The following NAV3 variants were observed in gnomAD, a reference collection of about 807,000 sequenced individuals.
NAV3 encodes neuron navigator 3, also known as pore membrane and/or filament interacting like protein 1.
A neutral mutation model predicts 244.7 loss-of-function variants in NAV3; 87 were observed. That is an observed-to-expected ratio of 0.36 (90% confidence interval 0.30 to 0.42). NAV3 has a LOEUF of 0.42. Ranked by LOEUF, NAV3 falls within the 20% of genes least tolerant of loss-of-function variation. The probability of loss-of-function intolerance (pLI) is 1.00; values close to 1 mark genes in which losing one functional copy is unlikely to be tolerated. For missense variants in NAV3, 2,663 were observed against 2,893.3 expected, an observed-to-expected ratio of 0.92 and a Z score of 1.83; for synonymous variants, 1,126 against 1,042.2, an observed-to-expected ratio of 1.08 and a Z score of -1.55.
intron 1 of NAV3, among the ~76,000 whole-genome samples, chr12:77,881,002 A>T (rs1882569447): frequency 1.3e-5 from 2 of 152,244 alleles, no homozygotes; most frequent in South Asian, 4.1e-4. Context: ...TACATTGCCC[A>T]GGCTAGAAGG....
At chr12:77,574,734 T>TA (rs1565720799) in intron 2 of NAV3, among the ~76,000 whole-genome samples, 1 of 152,120 alleles carries the variant, frequency 6.6e-6, no homozygotes, top group Non-Finnish European at 1.5e-5. Context: ...TTATTCAGCT[T>TA]ACAATAAATC....
chr12:77,697,575 A>G (rs1231759003), intron 2 of NAV3, among the ~76,000 whole-genome samples: 1 of 152,096 alleles, frequency 6.6e-6, no homozygotes, highest in Non-Finnish European at 1.5e-5. Flanking sequence ...TTACATTTTC[A>G]TCATTTCAGA....
rs755757805 is a variant in NAV3 at position 78,050,956 on chromosome 12, C to T, written c.2325C>T (p.Asp775=). 24 of 1,614,078 alleles carry T rather than the reference C, an allele frequency of 1.5e-5. No individual in the cohort carries two copies. Among genetic ancestry groups the T allele is most frequent in the Non-Finnish European group, 1.9e-5 (22 of 1,180,028 alleles). The part of the protein sequence containing the change: ...RSGTSRFIHT[D]PSRFMYTTPL... ...GTACCAGTCGATTCATCCACACAGA[C>T]CCCTCGAGGTTCATGTATACCACGC... Residue 775 remains aspartate (D), a synonymous_variant, in exon 11 of 40, where the codon GAC becomes GAT. Transcript: ENST00000397909.
chr12:77,870,954 T>C (rs944368192), intron 1 of NAV3, among the ~76,000 whole-genome samples: 1 of 152,080 alleles, frequency 6.6e-6, no homozygotes, highest in Non-Finnish European at 1.5e-5. Flanking sequence ...GGTAAAGAGA[T>C]TAAAAAATTG....
chr12:78,146,360 GT>G lies in NAV3; in HGVS notation c.4684-5del. On this transcript the variant is annotated splice_region_variant and splice_polypyrimidine_tract_variant and intron_variant, in intron 20 of 39. Transcript: ENST00000397909. Reference sequence around the variant, plus strand: ...TATAGTTAAAGTCTTTCTTTTTATTGTTTTACAGGCTGAAGAAAAGGCTCAT... The same window carrying G: ...TATAGTTAAAGTCTTTCTTTTTATTGTTTACAGGCTGAAGAAAAGGCTCAT... The G allele has an allele frequency of 9.3e-7, 1 of 1,076,508 alleles. No homozygotes were observed. Among genetic ancestry groups the G allele is most frequent in the Non-Finnish European group, 1.3e-6 (1 of 771,552 alleles). The allele number at this position is 1,076,508 out of a possible 1,614,324, so 66.7% of individuals were successfully genotyped here. A position where few individuals can be genotyped will look rare whatever the true frequency, so the allele number is the denominator to read the frequency against.
chr12:78,092,491 C>CTTTTTTTTTTTTTTTTTTTTT, intron 12 of NAV3, among the ~76,000 whole-genome samples: 1 of 64,008 alleles, frequency 1.6e-5, no homozygotes, highest in Non-Finnish European at 3.1e-5. Flanking sequence ...TAGTTATTTT[C>CTTTTTTTTTTTTTTTTTTTTT]TTTTTTTTTT....
At chr12:77,912,245 T>C (rs2137057137) in intron 1 of NAV3, among the ~76,000 whole-genome samples, 1 of 152,236 alleles carries the variant, frequency 6.6e-6, no homozygotes, top group South Asian at 2.1e-4. Context: ...TATAATACAA[T>C]GACTAGTGTC....
intron 20 of NAV3, among the ~76,000 whole-genome samples, chr12:78,141,590 G>C (rs372224476): frequency 3.7e-4 from 56 of 152,118 alleles, no homozygotes; most frequent in African/African-American, 1.3e-3. Context: ...TATATTTACT[G>C]CCTTACATAG....
chr12:77,788,538 T>C (rs1871015719), intron 2 of NAV3, among the ~76,000 whole-genome samples: 1 of 152,050 alleles, frequency 6.6e-6, no homozygotes, highest in Non-Finnish European at 1.5e-5. Flanking sequence ...GCTCTGAAAG[T>C]CTGTGAATCT....
chr12:77,878,698 A>C (rs1882198202), intron 1 of NAV3, among the ~76,000 whole-genome samples: 1 of 151,292 alleles, frequency 6.6e-6, no homozygotes, highest in Non-Finnish European at 1.5e-5. Context: ...TCTTTTTTTA[A>C]AGAAAGTTAA....
chr12:77,706,207 A>G (rs907422251), intron 2 of NAV3, among the ~76,000 whole-genome samples: 1 of 151,516 alleles, frequency 6.6e-6, no homozygotes, highest in African/African-American at 2.4e-5. Flanking sequence ...AAACTACTCC[A>G]AAGAGCCTAG....
At chr12:77,607,524 A>C (rs1363266938) in intron 2 of NAV3, among the ~76,000 whole-genome samples, 1 of 152,072 alleles carries the variant, frequency 6.6e-6, no homozygotes, top group Non-Finnish European at 1.5e-5. Flanking sequence ...TTGTGTGTGC[A>C]TTTACATTTT....
At chr12:77,684,753 G>T (rs375302274) in intron 2 of NAV3, among the ~76,000 whole-genome samples, 1 of 151,862 alleles carries the variant, frequency 6.6e-6, no homozygotes, top group African/African-American at 2.4e-5. Flanking sequence ...TCATTGCCAA[G>T]ATATTCTTTT....
chr12:77,666,289 A>G (rs1429094466), intron 2 of NAV3, among the ~76,000 whole-genome samples: 1 of 149,540 alleles, frequency 6.7e-6, no homozygotes, highest in East Asian at 2.0e-4. Context: ...TCTTGATTTC[A>G]TTAACTTGTG....
chr12:77,575,579 G>C (rs958608123), intron 2 of NAV3, among the ~76,000 whole-genome samples: 4 of 152,112 alleles, frequency 2.6e-5, no homozygotes, highest in Non-Finnish European at 5.9e-5. Flanking sequence ...ATTGCTGCCA[G>C]CTAATTTTAT....
chr12:77,619,375 A>G (rs940573169), intron 2 of NAV3, among the ~76,000 whole-genome samples: 7 of 152,338 alleles, frequency 4.6e-5, no homozygotes, highest in Middle Eastern at 3.4e-3. Context: ...AGATCAAGAA[A>G]TCAGACTAAA....
At chr12:77,953,305 A>G (rs962173885) in intron 3 of NAV3, among the ~76,000 whole-genome samples, 2 of 152,140 alleles carry the variant, frequency 1.3e-5, no homozygotes, top group East Asian at 3.9e-4. Context: ...TCTAGCATAC[A>G]TGTGTTTATA....
chr12:78,179,793 A>G, intron 29 of NAV3, 111 bp downstream of exon 29: 1 of 1,196,634 alleles, frequency 8.4e-7, no homozygotes, highest in African/African-American at 1.5e-5. Flanking sequence ...CACCTTAGAA[A>G]TGTACTCTGT....
At chr12:78,105,635 A>T (rs1379101936) in intron 12 of NAV3, among the ~76,000 whole-genome samples, 1 of 151,976 alleles carries the variant, frequency 6.6e-6, no homozygotes, top group Non-Finnish European at 1.5e-5. Context: ...AGTTAGTAAG[A>T]ATTTTAAGGA....
Sources: gnomAD v4.1 joint callset for allele counts (sites outside exome capture counted in the v4.1 genomes callset) on GRCh38, gnomAD v4.1.1 for gene constraint, MANE v1.5 for transcripts, NCBI Gene and HGNC (gene_info 2026-07-23, HGNC 2026-07-21) for gene names.